The following GABBR1 variants were observed in gnomAD, a reference collection of about 807,000 sequenced individuals.
The protein encoded by GABBR1 is gamma-aminobutyric acid type B receptor subunit 1, also known as GABA-B receptor, R1 subunit.
A neutral mutation model predicts 117.7 loss-of-function variants in GABBR1; 35 were observed. The ratio of observed to expected loss-of-function variants is 0.30; its 90% CI spans 0.23 to 0.39. The LOEUF (loss-of-function observed/expected upper bound fraction) is 0.39, where lower values mean the gene tolerates loss of function less well. Among genes scored for constraint, GABBR1 ranks in the 10% least tolerant of loss-of-function variants. The pLI, the probability that GABBR1 is intolerant of heterozygous loss-of-function variation, is 1.00. For missense variants in GABBR1, 709 were observed against 1,241.8 expected (o/e 0.57, Z 6.45); for synonymous variants, 442 against 486.6 (o/e 0.91, Z 1.21).
chr6:29,623,551 C>T lies in GABBR1; in HGVS notation c.793-76G>A, dbSNP rs1178486838. 7.1e-7 allele frequency: 1 copy of T among 1,408,196 alleles called. No homozygotes were observed. Among genetic ancestry groups the T allele is most frequent in the Non-Finnish European group, 9.8e-7 (1 of 1,021,586 alleles). 87.2% of individuals were successfully genotyped at this position (1,408,196 alleles called of 1,614,324 possible). ...AAGAGTGGCCAAGAGTTCCTTTAAC[C>T]CTCTTCCTGCCTTTGGGTTTCTCTT... On this transcript the variant is annotated intron_variant, in intron 7 of 22. Coordinates refer to ENST00000377034, the MANE Select transcript of GABBR1 (RefSeq NM_001470.4). This position sits in a 1 kb window ranked among gnomAD's most constrained non-coding sequence, Gnocchi z 6.2.
chr6:29,603,276 T>C lies in GABBR1; in HGVS notation c.*267A>G, dbSNP rs1430267662. 23 of 649,278 alleles carry C rather than the reference T, an allele frequency of 3.5e-5. No homozygotes were observed. 40.2% of individuals were successfully genotyped at this position (649,278 alleles called of 1,614,324 possible). ...TGCTGAGGAGGCAGCGTGTGAGCAG[T>C]GAGCAGCTTCAAGCCAGGTACGAAC... On this transcript the variant is annotated 3_prime_UTR_variant, in exon 23 of 23. Transcript: ENST00000377034.
Position 29,631,311 on chromosome 6 carries a change from G to A in GABBR1, c.289+85C>T. 7.5e-7 allele frequency: 1 copy of A among 1,327,758 alleles called. No individual in the cohort carries two copies. The highest frequency in any genetic ancestry group is 1.1e-6 in the Non-Finnish European group (1 of 933,616). 82.2% of individuals were successfully genotyped at this position (1,327,758 alleles called of 1,614,324 possible). On this transcript the variant is annotated intron_variant, in intron 3 of 22. Coordinates refer to ENST00000377034, the MANE Select transcript of GABBR1 (RefSeq NM_001470.4). This position sits in a 1 kb window ranked among gnomAD's most constrained non-coding sequence, Gnocchi z 5.9. ...TGAATTTTGGTATACTGGATTTAAA[G>A]TGCTGACTTGCAAGCAGTAATGCTA...
chr6:29,622,484 A>C lies in GABBR1; in HGVS notation c.964-279T>G. On this transcript the variant is annotated intron_variant, in intron 8 of 22. Coordinates refer to ENST00000377034, the MANE Select transcript of GABBR1 (RefSeq NM_001470.4). The surrounding 1 kb of genome is among the most constrained non-coding windows in gnomAD (Gnocchi z 4.6). The stretch of plus-strand genomic sequence containing the variant: ...CACCCACTCCTACCACTGAAGGCAA[A>C]GATGGGGTAAAGAAACATAAAGGAA... The C allele has an allele frequency of 2.2e-6, 1 of 453,146 alleles. No homozygotes were observed. 28.1% of individuals were successfully genotyped at this position (453,146 alleles called of 1,614,324 possible). A position where few individuals can be genotyped will look rare whatever the true frequency, so the allele number is the denominator to read the frequency against.
Position 29,622,119 on chromosome 6 carries a change from G to T in GABBR1, c.1050C>A (p.Pro350=), listed in dbSNP as rs762967521. ...RQSFFSDPAV[P]VKNLKRQDAR... ...GCCATCTGACCTTCAGGTTTTTGAC[G>T]GGCACAGCTGGATCTGAGAAGAAAC... The change falls in exon 9 of 23, where the codon CCC becomes CCA. Residue 350 remains proline, a synonymous_variant. Coordinates refer to ENST00000377034, the MANE Select transcript of GABBR1 (RefSeq NM_001470.4). This position sits in a 1 kb window ranked among gnomAD's most constrained non-coding sequence, Gnocchi z 4.6. 6.2e-7 allele frequency: 1 copy of T among 1,613,844 alleles called. No individual in the cohort carries two copies. The highest frequency in any genetic ancestry group is 8.5e-7 in the Non-Finnish European group (1 of 1,179,856).
Position 29,627,842 on chromosome 6 carries a change from A to G in GABBR1, c.497-196T>C, listed in dbSNP as rs1345853692. On this transcript the variant is annotated intron_variant, in intron 5 of 22. Coordinates refer to ENST00000377034, the MANE Select transcript of GABBR1 (RefSeq NM_001470.4). The surrounding 1 kb of genome is among the most constrained non-coding windows in gnomAD (Gnocchi z 4.4). ...GGGGAGCGTTAGGAGCTCAGGGGGG[A>G]CACTTTTCCTGGGGAGGGCTGCTAA... 14 of 1,394,860 alleles carry G rather than the reference A, an allele frequency of 1.0e-5. No homozygotes were observed. Among genetic ancestry groups the G allele is most frequent in the Non-Finnish European group, 1.3e-5 (14 of 1,079,758 alleles). 86.4% of individuals were successfully genotyped at this position (1,394,860 alleles called of 1,614,324 possible).
At position 29,609,476 on chromosome 6, in the gene GABBR1, T is replaced by TGTTGTC; in HGVS notation, c.1709-98_1709-97insGACAAC. 1 of 1,012,066 alleles carries TGTTGTC rather than the reference T, an allele frequency of 9.9e-7. No homozygotes were observed. Among genetic ancestry groups the TGTTGTC allele is most frequent in the Non-Finnish European group, 1.5e-6 (1 of 671,570 alleles). The allele number at this position is 1,012,066 out of a possible 1,614,324, so 62.7% of individuals were successfully genotyped here. Reference sequence around the variant, plus strand: ...TAGGAGAAAAGGGCAAAGAACTAGATTGCTGATGGACATTCAGTCATTGGC... The same window carrying TGTTGTC: ...TAGGAGAAAAGGGCAAAGAACTAGATGTTGTCTGCTGATGGACATTCAGTCATTGGC... On this transcript the variant is annotated intron_variant, in intron 14 of 22. Coordinates refer to ENST00000377034, the MANE Select transcript of GABBR1 (RefSeq NM_001470.4). This position sits in a 1 kb window ranked among gnomAD's most constrained non-coding sequence, Gnocchi z 4.3.
At chr6:29,614,980 T>TAA (rs1419332696) in intron 11 of GABBR1, among the ~76,000 whole-genome samples, 1 of 6,990 alleles carries the variant, frequency 1.4e-4, no homozygotes, top group South Asian at 4.4e-3. Context: ...CTAAAACTGC[T>TAA]CAAAAAAAAA....
chr6:29,622,004 G>A lies in GABBR1; in HGVS notation c.1065+100C>T. On this transcript the variant is annotated intron_variant, in intron 9 of 22. Transcript: ENST00000377034. This position sits in a 1 kb window ranked among gnomAD's most constrained non-coding sequence, Gnocchi z 4.6. The stretch of plus-strand genomic sequence containing the variant: ...CCCCAGGAGATGCTATTGCCTCAGA[G>A]AATCAAAACCTGCCCCCGCCTGGCT... The A allele has an allele frequency of 3.5e-6, 4 of 1,152,986 alleles. No individual in the cohort carries two copies. The highest frequency in any genetic ancestry group is 3.9e-6 in the Non-Finnish European group (3 of 777,392). 71.4% of individuals were successfully genotyped at this position (1,152,986 alleles called of 1,614,324 possible). A position where few individuals can be genotyped will look rare whatever the true frequency, so the allele number is the denominator to read the frequency against.
chr6:29,631,555 G>A lies in GABBR1; in HGVS notation c.130C>T (p.Arg44Trp), dbSNP rs907417128. The change falls in exon 3 of 23, where the codon CGG becomes TGG. Residue 44 changes from arginine (R) to tryptophan (W), a missense_variant. Physicochemically the swap from Arg to Trp is moderately radical, Grantham distance 101 (BLOSUM62 -3). Transcript: ENST00000377034. This position sits in a 1 kb window ranked among gnomAD's most constrained non-coding sequence, Gnocchi z 5.9. ...HPPWEGGIRYRGLTRDQVKAI... is the reference protein window; with the variant it reads ...HPPWEGGIRYWGLTRDQVKAI... ...TTCACCTGGTCCCGAGTCAGGCCCC[G>A]GTACCTGATGCCCCCTTCCCAGGGC... 1 of 1,614,048 alleles carries A rather than the reference G, an allele frequency of 6.2e-7. No homozygotes were observed. Among genetic ancestry groups the A allele is most frequent in the African/African-American group, 1.3e-5 (1 of 74,920 alleles).
chr6:29,610,242 C>G (rs913540843), intron 14 of GABBR1, among the ~76,000 whole-genome samples: 1 of 152,026 alleles, frequency 6.6e-6, no homozygotes, highest in Non-Finnish European at 1.5e-5. Context: ...CTCCTATGTC[C>G]TATCATTTAG....
chr6:29,603,021 C>A lies in GABBR1; in HGVS notation c.*522G>T. ...AGCCTTGGCGAAAAGAATGAGCTCC[C>A]AAAGGAAGCAAAATTCAGGGGGAGC... On this transcript the variant is annotated 3_prime_UTR_variant, in exon 23 of 23. Transcript: ENST00000377034. 1 of 456,790 alleles carries A rather than the reference C, an allele frequency of 2.2e-6. No individual in the cohort carries two copies. The highest frequency in any genetic ancestry group is 1.5e-5 in the South Asian group (1 of 64,560). 28.3% of individuals were successfully genotyped at this position (456,790 alleles called of 1,614,324 possible).
chr6:29,603,176 A>T lies in GABBR1; in HGVS notation c.*367T>A. 1 of 486,090 alleles carries T rather than the reference A, an allele frequency of 2.1e-6. No homozygotes were observed. The allele number at this position is 486,090 out of a possible 1,614,324, so 30.1% of individuals were successfully genotyped here. On this transcript the variant is annotated 3_prime_UTR_variant, in exon 23 of 23. Transcript: ENST00000377034. ...CCTGCTGGACAGGAACAGAGCACAA[A>T]GGCAGAGGAGCTGCAGGGGTTGCCG...
chr6:29,606,946 A>G lies in GABBR1; in HGVS notation c.2168T>C (p.Leu723Pro). 1 of 1,614,244 alleles carries G rather than the reference A, an allele frequency of 6.2e-7. No homozygotes were observed. Among genetic ancestry groups the G allele is most frequent in the Non-Finnish European group, 8.5e-7 (1 of 1,180,044 alleles). ...TVGLLVGMDV[L>P]TLAIWQIVDP... ...CACGATCTGCCAGATGGCGAGAGTG[A>G]GGACATCCATGCCCACCAGCAGGCC... The change falls in exon 18 of 23, where the codon CTC becomes CCC. Residue 723 changes from leucine (L) to proline (P), a missense_variant. By Grantham distance (98) the Leu-to-Pro change is moderately conservative. Transcript: ENST00000377034. This position sits in a 1 kb window ranked among gnomAD's most constrained non-coding sequence, Gnocchi z 4.5.
At chr6:29,617,301 C>CTTTTTTTTTTTTTTTTTTT (rs373993426) in intron 11 of GABBR1, among the ~76,000 whole-genome samples, 1 of 119,872 alleles carries the variant, frequency 8.3e-6, no homozygotes, top group South Asian at 2.8e-4. Flanking sequence ...TTCTTTCTTT[C>CTTTTTTTTTTTTTTTTTTT]TTTTTTTTTT....
intron 4 of GABBR1, chr6:29,629,893 A>AGG (rs1764782733): frequency 6.6e-6 from 1 of 152,656 alleles, no homozygotes; most frequent in Admixed American, 6.5e-5. Context: ...AGTACAGAAA[A>AGG]GGACCTGTCT....
chr6:29,612,379 G>A (rs1762637815), intron 13 of GABBR1, among the ~76,000 whole-genome samples, 172 bp downstream of exon 13: 1 of 152,092 alleles, frequency 6.6e-6, no homozygotes, highest in Non-Finnish European at 1.5e-5. Flanking sequence ...TTGTAGTTAA[G>A]CTTATTATTA....
Position 29,622,018 on chromosome 6 carries a change from C to G in GABBR1, c.1065+86G>C. ...ATTGCCTCAGAGAATCAAAACCTGC[C>G]CCCGCCTGGCTTTCCTCTCCAACCA... On this transcript the variant is annotated intron_variant, in intron 9 of 22. Transcript: ENST00000377034. The surrounding 1 kb of genome is among the most constrained non-coding windows in gnomAD (Gnocchi z 4.6). 1 of 1,253,236 alleles carries G rather than the reference C, an allele frequency of 8.0e-7. No homozygotes were observed. The highest frequency in any genetic ancestry group is 1.2e-6 in the Non-Finnish European group (1 of 862,200). The allele number at this position is 1,253,236 out of a possible 1,614,324, so 77.6% of individuals were successfully genotyped here.
chr6:29,631,615 G>C lies in GABBR1; in HGVS notation c.86-16C>G. 1 of 1,611,934 alleles carries C rather than the reference G, an allele frequency of 6.2e-7. No homozygotes were observed. Among genetic ancestry groups the C allele is most frequent in the East Asian group, 2.2e-5 (1 of 44,878 alleles). On this transcript the variant is annotated splice_polypyrimidine_tract_variant and intron_variant, in intron 2 of 22. Transcript: ENST00000377034. This position sits in a 1 kb window ranked among gnomAD's most constrained non-coding sequence, Gnocchi z 5.9. ...ATCTGGCAACCTAAGGGGTGAGTCG[G>C]GGAGGCATACAGAGAGGAATGGTGG...
rs1053502833 is a variant in GABBR1 at position 29,630,260 on chromosome 6, A to G, written c.475+198T>C. Reference sequence around the variant, plus strand: ...AAAAGGTAAAGGAAGGAAGCCCCCAACCTACAGAGGATACCGGGGACTGCA... The same window carrying G: ...AAAAGGTAAAGGAAGGAAGCCCCCAGCCTACAGAGGATACCGGGGACTGCA... On this transcript the variant is annotated intron_variant, in intron 4 of 22. Transcript: ENST00000377034. This position sits in a 1 kb window ranked among gnomAD's most constrained non-coding sequence, Gnocchi z 4.9. The G allele has an allele frequency of 3.0e-5, 15 of 492,304 alleles. No homozygotes were observed. Among genetic ancestry groups the G allele is most frequent in the African/African-American group, 2.8e-4 (15 of 52,650 alleles). 30.5% of individuals were successfully genotyped at this position (492,304 alleles called of 1,614,324 possible). A position where few individuals can be genotyped will look rare whatever the true frequency, so the allele number is the denominator to read the frequency against.
Sources: gnomAD v4.1 joint callset for allele counts (sites outside exome capture counted in the v4.1 genomes callset) on GRCh38, gnomAD v4.1.1 for gene constraint, Gnocchi (gnomAD v3.1) non-coding constraint, MANE v1.5 for transcripts, NCBI Gene and HGNC (gene_info 2026-07-23, HGNC 2026-07-21) for gene names.